The following FIBCD1 variants were observed in gnomAD, a reference collection of about 807,000 sequenced individuals.
FIBCD1 encodes fibrinogen C domain containing 1.
Under a neutral mutation model 45.1 loss-of-function variants are expected in FIBCD1, and 47 were observed. The observed-to-expected ratio is 1.04, with a 90% confidence interval of 0.82 to 1.33. The LOEUF (loss-of-function observed/expected upper bound fraction) is 1.33. Ranked by LOEUF, FIBCD1 falls within the 40% of genes most tolerant of loss-of-function variation. FIBCD1 has a pLI of 0.00. For missense variants in FIBCD1, 653 were observed against 682.2 expected, an observed-to-expected ratio of 0.96 and a Z score of 0.48; for synonymous variants, 313 against 308.1, an observed-to-expected ratio of 1.02 and a Z score of -0.17.
At position 130,938,490 on chromosome 9, in the gene FIBCD1, C is replaced by T. The variant is rs562155363; in HGVS notation, c.72+46G>A. ...TCGCCCCGCCGGCCCGAGCGGCCAC[C>T]GCCTGGCCAGCCGCCCAGGCCCCGT... On this transcript the variant is annotated intron_variant, in intron 1 of 6. Coordinates refer to ENST00000372338, the MANE Select transcript of FIBCD1 (RefSeq NM_032843.5). The T allele has an allele frequency of 1.6e-4, 227 of 1,445,484 alleles. 1 individual carries two copies. In the Middle Eastern group the frequency reaches 4.4e-3, roughly 28 times the overall value. The allele number at this position is 1,445,484 out of a possible 1,614,324, so 89.5% of individuals were successfully genotyped here.
At position 130,905,318 on chromosome 9, in the gene FIBCD1, C is replaced by T. The variant is rs760182396; in HGVS notation, c.1042G>A (p.Gly348Arg). The T allele has an allele frequency of 2.4e-5, 38 of 1,613,890 alleles. No homozygotes were observed. Among genetic ancestry groups the T allele is most frequent in the South Asian group, 7.7e-5 (7 of 91,066 alleles). The change falls in exon 6 of 7, where the codon GGG (glycine) becomes AGG (arginine). Residue 348 changes from glycine to arginine, a missense_variant. Gly to Arg is a moderately radical substitution (Grantham distance 125). Transcript: ENST00000372338. ...FENGTAYARY[G>R]SFGVGLFSVD... ...GAGAACAAGCCCACGCCGAAGCTCCCGTAGCGGGCATAGGCCGTGCCATTC... is the reference window on the plus strand; with the variant it reads ...GAGAACAAGCCCACGCCGAAGCTCCTGTAGCGGGCATAGGCCGTGCCATTC...
chr9:130,928,811 A>G (rs1430422802), intron 2 of FIBCD1, among the ~76,000 whole-genome samples: 1 of 152,164 alleles, frequency 6.6e-6, no homozygotes, highest in African/African-American at 2.4e-5. Flanking sequence ...CACGGCACCC[A>G]GGAAAAATCA....
intron 4 of FIBCD1, among the ~76,000 whole-genome samples, chr9:130,916,464 G>A (rs891955053): frequency 2.0e-5 from 3 of 152,186 alleles, no homozygotes; most frequent in African/African-American, 7.2e-5. Context: ...CCCCGACCTC[G>A]AGCCAATGAC....
chr9:130,930,055 C>G lies in FIBCD1; in HGVS notation c.73-9G>C, dbSNP rs1196023222. ...TAGCCGCAGCTCGGCCGCTGCAGGC[C>G]CGCCCGGGACGCACAGACACAGACA... On this transcript the variant is annotated splice_polypyrimidine_tract_variant and intron_variant, in intron 1 of 6. Coordinates refer to ENST00000372338, the MANE Select transcript of FIBCD1 (RefSeq NM_032843.5). The G allele has an allele frequency of 6.7e-7, 1 of 1,498,618 alleles. No individual in the cohort carries two copies. Among genetic ancestry groups the G allele is most frequent in the South Asian group, 1.3e-5 (1 of 74,192 alleles). The allele number at this position is 1,498,618 out of a possible 1,614,324, so 92.8% of individuals were successfully genotyped here.
intron 4 of FIBCD1, among the ~76,000 whole-genome samples, chr9:130,916,054 G>A (rs1457830112): frequency 2.6e-5 from 4 of 152,172 alleles, no homozygotes; most frequent in Non-Finnish European, 5.9e-5. Flanking sequence ...TCAGCCTCCT[G>A]AGTAGCTGGG....
intron 5 of FIBCD1, among the ~76,000 whole-genome samples, chr9:130,909,924 A>G (rs1156499573): frequency 6.6e-6 from 1 of 152,250 alleles, no homozygotes; most frequent in Non-Finnish European, 1.5e-5. Flanking sequence ...AGGCCCAAAC[A>G]GGAGCCCTGG....
Position 130,929,793 on chromosome 9 carries a change from T to C in FIBCD1, c.326A>G (p.Glu109Gly), listed in dbSNP as rs1436460249. ...PDLTDSFARL[E>G]SAQASVLQAL... Reference sequence around the variant, plus strand: ...CTGCAGCACCGAGGCCTGGGCGCTCTCCAGGCGTGCGAAGCTGTCGGTGAG... The same window carrying C: ...CTGCAGCACCGAGGCCTGGGCGCTCCCCAGGCGTGCGAAGCTGTCGGTGAG... The change falls in exon 2 of 7, where the codon GAG becomes GGG. Residue 109 changes from glutamate to glycine, a missense_variant. Transcript: ENST00000372338. 1 of 1,553,376 alleles carries C rather than the reference T, an allele frequency of 6.4e-7. No homozygotes were observed. Among genetic ancestry groups the C allele is most frequent in the South Asian group, 1.2e-5 (1 of 84,574 alleles).
intron 1 of FIBCD1, among the ~76,000 whole-genome samples, chr9:130,931,237 G>A (rs570433869): frequency 1.3e-5 from 2 of 152,324 alleles, no homozygotes; most frequent in South Asian, 2.1e-4. Flanking sequence ...GGGACCCGGC[G>A]AGGTAGCTCA....
At chr9:130,913,033 C>T (rs1047141359) in intron 4 of FIBCD1, among the ~76,000 whole-genome samples, 3 of 152,196 alleles carry the variant, frequency 2.0e-5, no homozygotes, top group East Asian at 3.9e-4. Flanking sequence ...CCACAGTCAG[C>T]GGGGTGTGAC....
intron 5 of FIBCD1, among the ~76,000 whole-genome samples, chr9:130,911,228 C>A (rs905738216): frequency 6.6e-6 from 1 of 152,086 alleles, no homozygotes; most frequent in African/African-American, 2.4e-5. Flanking sequence ...GAAGAAACTC[C>A]GAACATATCC....
chr9:130,924,402 G>A lies in FIBCD1; in HGVS notation c.553-6C>T, dbSNP rs377395597. 13 of 1,605,040 alleles carry A rather than the reference G, an allele frequency of 8.1e-6. No homozygotes were observed. Among genetic ancestry groups the A allele is most frequent in the Non-Finnish European group, 1.0e-5 (12 of 1,177,290 alleles). ...CCCTGGCTCTCAGAGAGAAGCTGCG[G>A]AGCACAGGGGGTGAGCCGAGGGGGC... On this transcript the variant is annotated splice_region_variant and splice_polypyrimidine_tract_variant and intron_variant, in intron 2 of 6. Transcript: ENST00000372338.
rs377521546 is a variant in FIBCD1, at chr9:130,929,399, G to A, written c.552+168C>T. 3.3e-5 allele frequency among the ~76,000 whole-genome samples: 5 copies of A among 152,276 alleles called. No individual in the cohort carries two copies. In the South Asian group the frequency reaches 6.2e-4, roughly 19 times the overall value. The stretch of plus-strand genomic sequence containing the variant: ...TGTGCGGCCCTGGATGAGTGACTGC[G>A]CCTCCCTGAGCTTCATGGGCTTGTC... On this transcript the variant is annotated intron_variant, in intron 2 of 6. Transcript: ENST00000372338.
intron 5 of FIBCD1, 143 bp downstream of exon 5, chr9:130,911,649 C>T (rs184076215): frequency 5.9e-6 from 4 of 674,428 alleles, no homozygotes; most frequent in South Asian, 3.5e-5. Context: ...CACCTTCATG[C>T]ATGACACCTG....
intron 5 of FIBCD1, among the ~76,000 whole-genome samples, chr9:130,911,290 T>C (rs1832038461): frequency 6.7e-6 from 1 of 149,718 alleles, no homozygotes; most frequent in Non-Finnish European, 1.5e-5. Flanking sequence ...GCTATAACAC[T>C]CACCACGAGG....
intron 4 of FIBCD1, among the ~76,000 whole-genome samples, chr9:130,923,070 G>C (rs1832289649): frequency 6.6e-6 from 1 of 152,158 alleles, no homozygotes. Context: ...TATACAGTAG[G>C]TGCTCAAAAA....
chr9:130,906,757 G>A lies in FIBCD1; in HGVS notation c.947-1344C>T, dbSNP rs1005818390. On this transcript the variant is annotated intron_variant, in intron 5 of 6. Transcript: ENST00000372338. ...AACAGCCGCCACCTGGACGGCACTC[G>A]CAAGGGCCCAGCACCGTTCTCAGCC... 5.3e-5 allele frequency among the ~76,000 whole-genome samples: 8 copies of A among 152,356 alleles called. 1 individual carries two copies. The highest frequency in any genetic ancestry group is 2.4e-5 in the African/African-American group (1 of 41,586).
At chr9:130,923,287 C>G (rs1287114928) in intron 4 of FIBCD1, among the ~76,000 whole-genome samples, 1 of 152,160 alleles carries the variant, frequency 6.6e-6, no homozygotes, top group African/African-American at 2.4e-5. Flanking sequence ...CTTGTCAGCC[C>G]ATAGCTGTGG....
At chr9:130,924,109 A>G (rs551976407) in intron 3 of FIBCD1, 128 bp downstream of exon 3, 3 of 1,330,192 alleles carry the variant, frequency 2.3e-6, no homozygotes, top group African/African-American at 1.5e-5. Flanking sequence ...AGAGGGCTTC[A>G]GCGCAGGCCA....
intron 2 of FIBCD1, among the ~76,000 whole-genome samples, chr9:130,929,034 G>T (rs1832402606): frequency 6.6e-6 from 1 of 152,106 alleles, no homozygotes; most frequent in Non-Finnish European, 1.5e-5. Context: ...GGTGGAGGTG[G>T]TTTGGGACAG....
Sources: gnomAD v4.1 joint callset for allele counts (sites outside exome capture counted in the v4.1 genomes callset) on GRCh38, gnomAD v4.1.1 for gene constraint, MANE v1.5 for transcripts, NCBI Gene and HGNC (gene_info 2026-07-23, HGNC 2026-07-21) for gene names.